The following SFSWAP variants were observed in gnomAD, a reference collection of about 807,000 sequenced individuals.
SFSWAP encodes splicing factor SWAP.
Under a neutral mutation model 100.7 loss-of-function variants are expected in SFSWAP, and 17 were observed. That is an observed-to-expected ratio of 0.17 (90% CI 0.12 to 0.25). SFSWAP has a LOEUF of 0.25. Among genes scored for constraint, SFSWAP ranks in the 10% least tolerant of loss-of-function variants. The pLI is 1.00. For missense variants in SFSWAP, 1,005 were observed against 1,262.6 expected (o/e 0.80, Z 3.09); for synonymous variants, 504 against 510.1 (o/e 0.99, Z 0.16).
intron 15 of SFSWAP, among the ~76,000 whole-genome samples, chr12:131,792,237 C>CAT (rs1885300212): frequency 6.9e-6 from 1 of 145,676 alleles, no homozygotes. Context: ...TGTGTGCGCC[C>CAT]GTGTGTGTTC....
At position 131,799,574 on chromosome 12, in the gene SFSWAP, C is replaced by T. The variant is rs1389604329; in HGVS notation, c.*86C>T. On this transcript the variant is annotated 3_prime_UTR_variant, in exon 18 of 18. Coordinates refer to ENST00000261674, the MANE Select transcript of SFSWAP (RefSeq NM_004592.4). Reference sequence around the variant, plus strand: ...ACGCCGGCCACACCATCCACCTGGCCGCCTCCATGGACCCTTGGTGGCTTT... The same window carrying T: ...ACGCCGGCCACACCATCCACCTGGCTGCCTCCATGGACCCTTGGTGGCTTT... 9 of 1,082,384 alleles carry T rather than the reference C, an allele frequency of 8.3e-6. No homozygotes were observed. The highest frequency in any genetic ancestry group is 2.2e-4 in the Middle Eastern group (1 of 4,518). The allele number at this position is 1,082,384 out of a possible 1,614,324, so 67.0% of individuals were successfully genotyped here. A position where few individuals can be genotyped will look rare whatever the true frequency, so the allele number is the denominator to read the frequency against.
chr12:131,791,332 T>G (rs956626505), intron 15 of SFSWAP, among the ~76,000 whole-genome samples: 3 of 151,854 alleles, frequency 2.0e-5, no homozygotes, highest in African/African-American at 7.3e-5. Context: ...GAGGCTGCAG[T>G]GAGCCAAGAT....
chr12:131,764,809 T>G, intron 12 of SFSWAP, 123 bp downstream of exon 12: 1 of 685,546 alleles, frequency 1.5e-6, no homozygotes, highest in Non-Finnish European at 2.5e-6. Context: ...ATCGACCTAT[T>G]TGGGAGTTGT....
intron 13 of SFSWAP, among the ~76,000 whole-genome samples, chr12:131,767,603 G>T (rs929096914): frequency 6.6e-6 from 1 of 152,142 alleles, no homozygotes; most frequent in Non-Finnish European, 1.5e-5. Flanking sequence ...ATTAGAATGG[G>T]TTTACATCTA....
Position 131,725,371 on chromosome 12 carries a change from A to G in SFSWAP, c.607-34A>G, listed in dbSNP as rs768491758. ...CACGTGGCCGGTGGACAAGAGGACA[A>G]ATGGGTGACGTGAATATGTGTGTTT... On this transcript the variant is annotated intron_variant, in intron 4 of 17. Coordinates refer to ENST00000261674, the MANE Select transcript of SFSWAP (RefSeq NM_004592.4). This position sits in a 1 kb window ranked among gnomAD's most constrained non-coding sequence, Gnocchi z 4.3. 2 of 1,556,686 alleles carry G rather than the reference A, an allele frequency of 1.3e-6. No homozygotes were observed. Among genetic ancestry groups the G allele is most frequent in the Non-Finnish European group, 1.8e-6 (2 of 1,133,006 alleles).
In SFSWAP at chr12:131,756,596, A is replaced by G; in HGVS notation, c.1672A>G (p.Lys558Glu). 3.7e-6 allele frequency: 6 copies of G among 1,612,580 alleles called. No individual in the cohort carries two copies. The highest frequency in any genetic ancestry group is 5.1e-6 in the Non-Finnish European group (6 of 1,179,538). ...AGCACGGGCAGGCTCAGGCGGGAAGAAGGAGGCATCGTCCAGTAAGACCGT... is the reference window on the plus strand; with the variant it reads ...AGCACGGGCAGGCTCAGGCGGGAAGGAGGAGGCATCGTCCAGTAAGACCGT... The part of the protein sequence containing the change: ...VGARAGSGGK[K>E]EASSSKTVPD... Residue 558 changes from lysine to glutamate, a missense_variant, in exon 11 of 18, where the codon AAG becomes GAG. By Grantham distance (56) the Lys-to-Glu change is moderately conservative. This residue lies in a region of SFSWAP where 311 missense variants were observed against 317.8 expected (regional missense o/e 0.98). Transcript: ENST00000261674.
intron 7 of SFSWAP, among the ~76,000 whole-genome samples, chr12:131,737,734 A>G (rs1309820330): frequency 6.6e-6 from 1 of 151,982 alleles, no homozygotes; most frequent in Non-Finnish European, 1.5e-5. Flanking sequence ...CTTCCTACTG[A>G]TGGAGATTTT....
At chr12:131,750,112 C>G (rs915643089) in intron 7 of SFSWAP, among the ~76,000 whole-genome samples, 1 of 152,248 alleles carries the variant, frequency 6.6e-6, no homozygotes, top group Non-Finnish European at 1.5e-5. Flanking sequence ...TGTGCCCGTC[C>G]TGCCTCCCAC....
chr12:131,740,957 C>CTTTTTTTTTTT (rs1354791623), intron 7 of SFSWAP, among the ~76,000 whole-genome samples: 3 of 96,072 alleles, frequency 3.1e-5, no homozygotes, highest in South Asian at 3.7e-4. Context: ...CTTTTTTTTT[C>CTTTTTTTTTTT]TTTTTTTTCT....
chr12:131,764,707 C>T lies in SFSWAP; in HGVS notation c.1951+21C>T, dbSNP rs1040405977. 3.3e-6 allele frequency: 5 copies of T among 1,533,458 alleles called. No individual in the cohort carries two copies. In the African/African-American group the frequency reaches 6.9e-5, roughly 21 times the overall value. 95.0% of individuals were successfully genotyped at this position (1,533,458 alleles called of 1,614,324 possible). ...GCAAGGTTTGTTGATAGCTTTTAAACTTCTTGAAAGAAAGGAAATACACAA... is the reference window on the plus strand; with the variant it reads ...GCAAGGTTTGTTGATAGCTTTTAAATTTCTTGAAAGAAAGGAAATACACAA... On this transcript the variant is annotated intron_variant, in intron 12 of 17. Transcript: ENST00000261674.
At chr12:131,772,762 G>A (rs1420371002) in intron 13 of SFSWAP, among the ~76,000 whole-genome samples, 3 of 152,218 alleles carry the variant, frequency 2.0e-5, no homozygotes, top group Non-Finnish European at 4.4e-5. Flanking sequence ...GAGGGTCAGG[G>A]TGACAGCCTT....
chr12:131,719,276 A>G (rs796684495), intron 3 of SFSWAP, among the ~76,000 whole-genome samples, 178 bp from the exon 4 acceptor site: 14 of 151,138 alleles, frequency 9.3e-5, no homozygotes, highest in African/African-American at 2.7e-4. Context: ...GGAATTTTGT[A>G]AAGTGAGTTT....
At chr12:131,747,683 G>C (rs1051928348) in intron 7 of SFSWAP, among the ~76,000 whole-genome samples, 1 of 152,202 alleles carries the variant, frequency 6.6e-6, no homozygotes, top group Non-Finnish European at 1.5e-5. Flanking sequence ...CAGCCTTGGG[G>C]TCTGCCAGAT....
intron 7 of SFSWAP, among the ~76,000 whole-genome samples, chr12:131,743,208 G>A (rs11246788): frequency 0.15 from 22,222 of 152,090 alleles, 2,231 homozygotes; most frequent in East Asian, 0.52. Context: ...TTCAAAACCA[G>A]TCATGCTTTC....
At chr12:131,713,879 A>G in intron 1 of SFSWAP, 192 bp from the exon 2 acceptor site, 1 of 389,692 alleles carries the variant, frequency 2.6e-6, no homozygotes, top group Non-Finnish European at 4.5e-6. Context: ...ACTTGAGTTT[A>G]AAAGTAGGTG....
chr12:131,722,048 T>C (rs974769776), intron 4 of SFSWAP, among the ~76,000 whole-genome samples: 1 of 152,242 alleles, frequency 6.6e-6, no homozygotes, highest in African/African-American at 2.4e-5. Context: ...GTTGTTTTAG[T>C]GACTAGGCCT....
At chr12:131,763,164 G>A (rs1415055463) in intron 11 of SFSWAP, among the ~76,000 whole-genome samples, 4 of 152,066 alleles carry the variant, frequency 2.6e-5, no homozygotes, top group South Asian at 2.1e-4. Context: ...CATCACACGC[G>A]GGTTTGGAGC....
intron 7 of SFSWAP, among the ~76,000 whole-genome samples, chr12:131,749,843 C>T (rs1040456605): frequency 1.3e-5 from 2 of 152,224 alleles, no homozygotes; most frequent in Non-Finnish European, 2.9e-5. Flanking sequence ...CCTAGTGGCG[C>T]AGGAGTTGCC....
At chr12:131,731,697 A>G (rs1051622580) in intron 7 of SFSWAP, among the ~76,000 whole-genome samples, 2 of 152,146 alleles carry the variant, frequency 1.3e-5, no homozygotes, top group African/African-American at 4.8e-5. Flanking sequence ...GTTCAAGATA[A>G]TATTGTTACG....
Sources: allele counts gnomAD v4.1 joint callset (sites outside exome capture counted in the v4.1 genomes callset), GRCh38; gene constraint gnomAD v4.1.1; regional missense constraint gnomAD v4.1.1; non-coding constraint Gnocchi (gnomAD v3.1); transcripts MANE v1.5; gene names NCBI Gene and HGNC (gene_info 2026-07-23, HGNC 2026-07-21).